PIAS2: variants seen among roughly 807,000 people sequenced by gnomAD.
The protein encoded by PIAS2 is protein inhibitor of activated STAT 2, also known as E3 SUMO-protein ligase PIAS2.
A neutral mutation model predicts 69.7 loss-of-function variants in PIAS2; 19 were observed. The ratio of observed to expected loss-of-function variants is 0.27; its 90% CI spans 0.19 to 0.40. The LOEUF (loss-of-function observed/expected upper bound fraction) is 0.40, where lower values mean the gene tolerates loss of function less well. Ranked by LOEUF, PIAS2 falls within the 10% of genes least tolerant of loss-of-function variation. PIAS2 has a pLI of 1.00. For synonymous variants in PIAS2, 261 were observed against 263.2 expected, an observed-to-expected ratio of 0.99 and a Z score of 0.08; for missense variants, 624 against 757.0, an observed-to-expected ratio of 0.82 and a Z score of 2.06.
At chr18:46,864,083 G>A in intron 3 of PIAS2, 81 bp downstream of exon 3, 1 of 772,814 alleles carries the variant, frequency 1.3e-6, no homozygotes, top group South Asian at 1.8e-5. Flanking sequence ...ACACTGTCCA[G>A]TCTGTGAAAT....
chr18:46,839,122 T>G (rs2044903661), intron 8 of PIAS2, among the ~76,000 whole-genome samples: 1 of 152,190 alleles, frequency 6.6e-6, no homozygotes, highest in East Asian at 1.9e-4. Context: ...TTAGAAATTT[T>G]CCACCAATGT....
intron 2 of PIAS2, among the ~76,000 whole-genome samples, chr18:46,865,380 A>G (rs2049279726): frequency 6.6e-6 from 1 of 152,028 alleles, no homozygotes; most frequent in Non-Finnish European, 1.5e-5. Flanking sequence ...TCTCTACTAA[A>G]AACACAAAAA....
chr18:46,828,294 C>A (rs2043103136), intron 10 of PIAS2, among the ~76,000 whole-genome samples, 164 bp from the exon 11 acceptor site: 1 of 152,138 alleles, frequency 6.6e-6, no homozygotes, highest in Admixed American at 6.5e-5. Context: ...AACTCCAGAC[C>A]TCTGTCTGTA....
rs1313585823 is a variant in PIAS2 at position 46,809,556 on chromosome 18, G to C, written c.*2877C>G. On this transcript the variant is annotated 3_prime_UTR_variant, in exon 14 of 14. Coordinates refer to ENST00000585916, the MANE Select transcript of PIAS2 (RefSeq NM_004671.5). ...GGATCACCTGAGGTCGGGAGTTCGA[G>C]ACCAGCCTGACCAAAATGGAGAAAC... is the stretch of plus-strand genomic sequence containing the variant. The C allele has an allele frequency of 2.0e-5, 3 of 152,170 alleles. No individual in the cohort carries two copies. In the East Asian group the frequency reaches 5.8e-4, roughly 29 times the overall value. The allele number at this position is 152,170 out of a possible 1,614,324, so 9.4% of individuals were successfully genotyped here. A position where few individuals can be genotyped will look rare whatever the true frequency, so the allele number is the denominator to read the frequency against.
At position 46,811,689 on chromosome 18, in the gene PIAS2, C is replaced by CT. The variant is rs2041011822; in HGVS notation, c.*743dup. The stretch of plus-strand genomic sequence containing the variant: ...CAATTACTAAAAACATAATAACACA[C>CT]TTTATGTCAGGGCAGAATCTGCATA... On this transcript the variant is annotated 3_prime_UTR_variant, in exon 14 of 14. Coordinates refer to ENST00000585916, the MANE Select transcript of PIAS2 (RefSeq NM_004671.5). 6.6e-6 allele frequency: 1 copy of CT among 152,152 alleles called. No homozygotes were observed. The highest frequency in any genetic ancestry group is 2.4e-5 in the African/African-American group (1 of 41,422). The allele number at this position is 152,152 out of a possible 1,614,324, so 9.4% of individuals were successfully genotyped here.
chr18:46,912,269 C>A (rs1398995833), intron 1 of PIAS2, among the ~76,000 whole-genome samples: 1 of 152,198 alleles, frequency 6.6e-6, no homozygotes, highest in Non-Finnish European at 1.5e-5. Flanking sequence ...AAGTCTCTTA[C>A]ATGAAATGGC....
At chr18:46,861,692 G>T (rs894587622) in intron 3 of PIAS2, among the ~76,000 whole-genome samples, 2 of 152,246 alleles carry the variant, frequency 1.3e-5, no homozygotes, top group East Asian at 3.9e-4. Flanking sequence ...CCCCAAATCA[G>T]AAAGAGTCTA....
At chr18:46,855,992 C>CTTTTTTTTTTTTT (rs1256937354) in intron 3 of PIAS2, among the ~76,000 whole-genome samples, 5 of 69,136 alleles carry the variant, frequency 7.2e-5, no homozygotes, top group African/African-American at 1.1e-4. Flanking sequence ...TTTTCTTTTT[C>CTTTTTTTTTTTTT]TTTTGTTTTT....
At chr18:46,867,991 C>A (rs2049752997) in intron 2 of PIAS2, among the ~76,000 whole-genome samples, 1 of 152,182 alleles carries the variant, frequency 6.6e-6, no homozygotes, top group South Asian at 2.1e-4. Context: ...GGTATTCCAG[C>A]CAACAGCCAA....
intron 12 of PIAS2, chr18:46,816,756 C>A: frequency 1.0e-6 from 1 of 978,874 alleles, no homozygotes. Flanking sequence ...ACATAAGCCA[C>A]CGCACCCAGC....
intron 13 of PIAS2, among the ~76,000 whole-genome samples, chr18:46,814,351 T>A (rs2041283245): frequency 6.6e-6 from 1 of 152,002 alleles, no homozygotes; most frequent in Non-Finnish European, 1.5e-5. Context: ...TCCAAGATAA[T>A]TTTTTTTAAA....
intron 1 of PIAS2, among the ~76,000 whole-genome samples, chr18:46,902,801 A>T (rs981500995): frequency 6.6e-6 from 1 of 152,236 alleles, no homozygotes; most frequent in Non-Finnish European, 1.5e-5. Flanking sequence ...GAGAGGAATC[A>T]ATCTATCCCA....
chr18:46,871,358 G>C (rs951915252), intron 2 of PIAS2, among the ~76,000 whole-genome samples: 5 of 152,154 alleles, frequency 3.3e-5, no homozygotes, highest in African/African-American at 4.8e-5. Flanking sequence ...GCTACAGGGG[G>C]CCAAAGCTTA....
intron 13 of PIAS2, among the ~76,000 whole-genome samples, chr18:46,813,540 A>G (rs114738114): frequency 4.6e-5 from 7 of 152,338 alleles, no homozygotes; most frequent in African/African-American, 1.4e-4. Context: ...GTTTGTCATT[A>G]GTTCAACTGT....
At chr18:46,874,779 C>T (rs974409140) in intron 2 of PIAS2, among the ~76,000 whole-genome samples, 3 of 152,176 alleles carry the variant, frequency 2.0e-5, no homozygotes, top group Admixed American at 6.5e-5. Context: ...GAACTAAAGG[C>T]CTTTTAGCAG....
At chr18:46,844,429 T>C (rs1462011876) in intron 7 of PIAS2, among the ~76,000 whole-genome samples, 2 of 152,128 alleles carry the variant, frequency 1.3e-5, no homozygotes, top group Non-Finnish European at 2.9e-5. Flanking sequence ...ACCCTGAGCG[T>C]CAAAGCTTTT....
At chr18:46,834,824 G>T (rs1480199397) in intron 9 of PIAS2, among the ~76,000 whole-genome samples, 5 of 152,236 alleles carry the variant, frequency 3.3e-5, no homozygotes, top group Non-Finnish European at 7.3e-5. Flanking sequence ...GCTGCTAAGA[G>T]GGCTGAGAAG....
intron 3 of PIAS2, among the ~76,000 whole-genome samples, chr18:46,863,057 TTTC>T (rs778385274): frequency 2.0e-5 from 3 of 152,148 alleles, no homozygotes; most frequent in African/African-American, 4.8e-5. Flanking sequence ...TTTCCTTTTC[TTTC>T]TTCTTACATC....
intron 1 of PIAS2, among the ~76,000 whole-genome samples, chr18:46,898,452 T>C (rs539778492): frequency 6.6e-6 from 1 of 152,298 alleles, no homozygotes; most frequent in East Asian, 1.9e-4. Flanking sequence ...CAAGGCAATA[T>C]AAATTTTTTA....
Sources: gnomAD v4.1 joint callset for allele counts (sites outside exome capture counted in the v4.1 genomes callset) on GRCh38, gnomAD v4.1.1 for gene constraint, MANE v1.5 for transcripts, NCBI Gene and HGNC (gene_info 2026-07-23, HGNC 2026-07-21) for gene names.